The following TRIM71 variants were observed in gnomAD, a reference collection of about 807,000 sequenced individuals.
The protein encoded by TRIM71 is E3 ubiquitin-protein ligase TRIM71.
TRIM71 carries 9 observed loss-of-function variants against 61.2 expected under a neutral mutation model. That is an observed-to-expected ratio of 0.15 (90% CI 0.09 to 0.26). The LOEUF (loss-of-function observed/expected upper bound fraction) is 0.26. TRIM71 is among the 10% of genes least tolerant of loss of function. The pLI, the probability that TRIM71 is intolerant of heterozygous loss-of-function variation, is 1.00. For synonymous variants in TRIM71, 645 were observed against 553.2 expected (o/e 1.17, Z -2.33); for missense variants, 998 against 1,238.7 (o/e 0.81, Z 2.92).
intron 2 of TRIM71, 26 bp from the exon 3 acceptor site, chr3:32,885,908 G>A (rs36019845): frequency 0.11 from 175,021 of 1,605,096 alleles, 11,363 homozygotes; most frequent in East Asian, 0.34. Flanking sequence ...CTAATGCCTC[G>A]AAGTTGTTTC....
chr3:32,833,279 G>C (rs980794121), intron 1 of TRIM71, among the ~76,000 whole-genome samples: 1 of 149,430 alleles, frequency 6.7e-6, no homozygotes, highest in Non-Finnish European at 1.5e-5. Context: ...AGATGAAATA[G>C]GAGTGCAGAA....
At chr3:32,874,328 T>C (rs1054264746) in intron 2 of TRIM71, among the ~76,000 whole-genome samples, 6 of 41,690 alleles carry the variant, frequency 1.4e-4, no homozygotes, top group African/African-American at 4.0e-4. Flanking sequence ...TGCTTATTAC[T>C]ACTACTACTA....
intron 1 of TRIM71, among the ~76,000 whole-genome samples, chr3:32,843,756 A>C (rs1039852426): frequency 5.3e-5 from 8 of 152,282 alleles, no homozygotes; most frequent in Non-Finnish European, 1.0e-4. Context: ...TCTTCGCCCA[A>C]GGGCCATTAG....
At chr3:32,870,175 G>A (rs1002143887) in intron 1 of TRIM71, among the ~76,000 whole-genome samples, 3 of 152,196 alleles carry the variant, frequency 2.0e-5, no homozygotes, top group East Asian at 1.9e-4. Context: ...ATGAGACATG[G>A]AGCTTCTAAA....
intron 1 of TRIM71, among the ~76,000 whole-genome samples, chr3:32,838,406 T>C (rs1696358731): frequency 6.6e-6 from 1 of 151,890 alleles, no homozygotes; most frequent in Non-Finnish European, 1.5e-5. Context: ...ATATTTTTAG[T>C]AGAGACGGGG....
chr3:32,852,216 AC>A (rs1204570969), intron 1 of TRIM71, among the ~76,000 whole-genome samples: 1 of 152,160 alleles, frequency 6.6e-6, no homozygotes, highest in East Asian at 1.9e-4. Flanking sequence ...GGACAGTGTC[AC>A]GGCCTAAACT....
chr3:32,856,556 A>G (rs1186593960), intron 1 of TRIM71, among the ~76,000 whole-genome samples: 1 of 152,194 alleles, frequency 6.6e-6, no homozygotes, highest in Non-Finnish European at 1.5e-5. Context: ...CTGTTGGTGG[A>G]AGGTGAAAGG....
intron 1 of TRIM71, among the ~76,000 whole-genome samples, chr3:32,871,437 A>G (rs1696794091): frequency 2.0e-5 from 3 of 152,242 alleles, no homozygotes; most frequent in South Asian, 4.1e-4. Context: ...GTTTGGTGGC[A>G]TGTTTTATTC....
At chr3:32,819,333 T>G (rs965976216) in intron 1 of TRIM71, among the ~76,000 whole-genome samples, 19 of 152,176 alleles carry the variant, frequency 1.2e-4, no homozygotes, top group African/African-American at 4.6e-4. Context: ...CTCCTTTATT[T>G]TCAGATTTTT....
At chr3:32,842,407 A>G (rs1425436297) in intron 1 of TRIM71, among the ~76,000 whole-genome samples, 1 of 152,166 alleles carries the variant, frequency 6.6e-6, no homozygotes, top group African/African-American at 2.4e-5. Flanking sequence ...CCTGAAAAAA[A>G]TTTCAGTAAA....
At chr3:32,884,482 G>C (rs1182533558) in intron 2 of TRIM71, among the ~76,000 whole-genome samples, 2 of 151,202 alleles carry the variant, frequency 1.3e-5, no homozygotes, top group Admixed American at 6.6e-5. Flanking sequence ...CAGATCACTT[G>C]AGCCCAGGAG....
At chr3:32,849,504 G>A (rs531784001) in intron 1 of TRIM71, among the ~76,000 whole-genome samples, 15 of 152,164 alleles carry the variant, frequency 9.9e-5, no homozygotes, top group African/African-American at 3.1e-4. Context: ...GATTACAGGC[G>A]TGCACCACCA....
In TRIM71 at chr3:32,892,655, T is replaced by C. The variant is rs1697039697; in HGVS notation, c.*844T>C. The stretch of plus-strand genomic sequence containing the variant: ...GACACACTGCCTCCCAAAGAACCTC[T>C]CCTTTTCACACTTTGGTTTCTTAAA... On this transcript the variant is annotated 3_prime_UTR_variant, in exon 4 of 4. Transcript: ENST00000383763. 6.6e-6 allele frequency: 1 copy of C among 152,236 alleles called. No individual in the cohort carries two copies. Among genetic ancestry groups the C allele is most frequent in the African/African-American group, 2.4e-5 (1 of 41,462 alleles). The allele number at this position is 152,236 out of a possible 1,614,324, so 9.4% of individuals were successfully genotyped here. A position where few individuals can be genotyped will look rare whatever the true frequency, so the allele number is the denominator to read the frequency against.
rs1429726447 is a variant in TRIM71 at position 32,873,060 on chromosome 3, TCTTCCTCCCTCCCTCC to T, written c.853-755_853-740del. Among the ~76,000 whole-genome samples the T allele has an allele frequency of 6.5e-3, 622 of 96,154 alleles. 7 individuals are homozygous for T. The highest frequency in any genetic ancestry group is 0.014 in the African/African-American group (382 of 28,066). The allele number at this position is 96,154 out of a possible 152,430, so 63.1% of individuals were successfully genotyped here. ...TAAAGGTTGTGCCAGCCCTTCTCTC[TCTTCCTCCCTCCCTCC>T]CTCCCTCCCTCCCTCCCTCCCAGCG... On this transcript the variant is annotated intron_variant, in intron 1 of 3. Transcript: ENST00000383763.
At chr3:32,858,314 C>T (rs1327531629) in intron 1 of TRIM71, among the ~76,000 whole-genome samples, 1 of 152,190 alleles carries the variant, frequency 6.6e-6, no homozygotes, top group African/African-American at 2.4e-5. Flanking sequence ...ACATCGTGAG[C>T]AAACCTGCCC....
chr3:32,862,894 A>C (rs1366218993), intron 1 of TRIM71, among the ~76,000 whole-genome samples: 2 of 152,132 alleles, frequency 1.3e-5, no homozygotes, highest in Non-Finnish European at 2.9e-5. Context: ...ATTTTTTCAA[A>C]ACCTCCAGGG....
intron 2 of TRIM71, among the ~76,000 whole-genome samples, chr3:32,879,674 A>T (rs1223886327): frequency 3.5e-4 from 2 of 5,720 alleles, no homozygotes; most frequent in African/African-American, 2.0e-3. Context: ...CAATTTCTTA[A>T]AAAAAAAAAA....
rs1697078697 is a variant in TRIM71 at position 32,896,439 on chromosome 3, C to CG, written c.*4631dup. ...TTTTCTACCAAAGGTAACATGTTGA[C>CG]GGGTTTTTTTTTTCCTTGTTTATTA... is the stretch of plus-strand genomic sequence containing the variant. On this transcript the variant is annotated 3_prime_UTR_variant, in exon 4 of 4. Transcript: ENST00000383763. 1.3e-5 allele frequency: 2 copies of CG among 151,544 alleles called. No homozygotes were observed. The highest frequency in any genetic ancestry group is 2.4e-5 in the African/African-American group (1 of 41,242). 9.4% of individuals were successfully genotyped at this position (151,544 alleles called of 1,614,324 possible). A position where few individuals can be genotyped will look rare whatever the true frequency, so the allele number is the denominator to read the frequency against.
intron 1 of TRIM71, among the ~76,000 whole-genome samples, chr3:32,827,788 C>T (rs1287060807): frequency 5.3e-5 from 8 of 152,132 alleles, no homozygotes; most frequent in Admixed American, 6.6e-5. Flanking sequence ...TCAGGTCAGG[C>T]GCCTCTGAGA....
Sources: allele counts gnomAD v4.1 joint callset (sites outside exome capture counted in the v4.1 genomes callset), GRCh38; gene constraint gnomAD v4.1.1; transcripts MANE v1.5; gene names NCBI Gene and HGNC (gene_info 2026-07-23, HGNC 2026-07-21).